PARD3B: variants seen among roughly 807,000 people sequenced by gnomAD.
PARD3B encodes the protein par-3 family cell polarity regulator beta, also known as partitioning defective 3 homolog B.
PARD3B carries 103 observed loss-of-function variants against 130.2 expected under a neutral mutation model. The observed-to-expected ratio is 0.79, with a 90% CI of 0.67 to 0.93. The LOEUF is 0.93. Ranked by LOEUF, PARD3B falls within the 40% of genes least tolerant of loss-of-function variation. The pLI is 0.00. For missense variants in PARD3B, 1,609 were observed against 1,499.2 expected, an observed-to-expected ratio of 1.07 and a Z score of -1.21; for synonymous variants, 583 against 553.2, an observed-to-expected ratio of 1.05 and a Z score of -0.76.
rs1331258453 is a variant in PARD3B at position 205,557,346 on chromosome 2, T to TTAAG, written c.3260+3945_3260+3948dup. 3.9e-5 allele frequency among the ~76,000 whole-genome samples: 6 copies of TTAAG among 152,168 alleles called. No homozygotes were observed. In the East Asian group the frequency reaches 7.7e-4, roughly 20 times the overall value. ...GCCATTCCAACCCTTTCTACTCCCG[T>TTAAG]TAAGTTCTACGAAGATGACTAAACT... On this transcript the variant is annotated intron_variant, in intron 22 of 22. Coordinates refer to ENST00000406610, the MANE Select transcript of PARD3B (RefSeq NM_001302769.2).
intron 20 of PARD3B, among the ~76,000 whole-genome samples, chr2:205,450,318 GT>G (rs1415698920): frequency 6.6e-6 from 1 of 152,010 alleles, no homozygotes; most frequent in Non-Finnish European, 1.5e-5. Context: ...GAGTCCATCT[GT>G]TCCAGGGTCC....
intron 16 of PARD3B, among the ~76,000 whole-genome samples, chr2:205,255,457 A>T (rs1258448309): frequency 6.6e-6 from 1 of 152,228 alleles, no homozygotes; most frequent in East Asian, 1.9e-4. Flanking sequence ...TCGGTGTCCT[A>T]TAATTCAATT....
chr2:205,456,055 A>G (rs1458370016), intron 20 of PARD3B, among the ~76,000 whole-genome samples: 1 of 152,034 alleles, frequency 6.6e-6, no homozygotes, highest in Non-Finnish European at 1.5e-5. Flanking sequence ...GTAGCATGTG[A>G]CCTTTTGAAG....
At chr2:205,234,328 A>G (rs558377399) in intron 15 of PARD3B, among the ~76,000 whole-genome samples, 18 of 152,194 alleles carry the variant, frequency 1.2e-4, no homozygotes, top group Non-Finnish European at 2.2e-4. Context: ...TAGAGACACA[A>G]GTAACTTAAA....
chr2:205,329,584 A>T (rs917456119), intron 18 of PARD3B, among the ~76,000 whole-genome samples: 1 of 152,226 alleles, frequency 6.6e-6, no homozygotes, highest in African/African-American at 2.4e-5. Flanking sequence ...GACAGAGTTG[A>T]ACAGACATTC....
chr2:204,595,240 G>C (rs2033236064), intron 1 of PARD3B, among the ~76,000 whole-genome samples: 1 of 152,148 alleles, frequency 6.6e-6, no homozygotes, highest in South Asian at 2.1e-4. Context: ...TCCATCCTCT[G>C]TCCCATCCAC....
At chr2:205,400,971 A>G (rs1404246712) in intron 18 of PARD3B, 42 bp from the exon 19 acceptor site, 3 of 1,438,688 alleles carry the variant, frequency 2.1e-6, no homozygotes, top group African/African-American at 1.4e-5. Flanking sequence ...CGCAAAAACA[A>G]TGTGATTATT....
At position 204,682,749 on chromosome 2, in the gene PARD3B, C is replaced by T. The variant is rs531736107; in HGVS notation, c.121-3432C>T. Among the ~76,000 whole-genome samples the T allele has an allele frequency of 4.7e-4, 71 of 152,252 alleles. 1 individual carries two copies. Among genetic ancestry groups the T allele is most frequent in the African/African-American group, 1.7e-3 (71 of 41,534 alleles). ...TGGACTACAGGCATCTTGCTTGGGC[C>T]CCTCCAAGTTTTCCCTTTCTTGTGT... On this transcript the variant is annotated intron_variant, in intron 1 of 22. Coordinates refer to ENST00000406610, the MANE Select transcript of PARD3B (RefSeq NM_001302769.2).
chr2:205,185,747 T>G lies in PARD3B; in HGVS notation c.1925-17T>G. The stretch of plus-strand genomic sequence containing the variant: ...CTGCTTCCACTTTATACAGCTTCAT[T>G]TGTTCTTTGTTTATAGGTCTATTGC... On this transcript the variant is annotated splice_polypyrimidine_tract_variant and intron_variant, in intron 13 of 22. Coordinates refer to ENST00000406610, the MANE Select transcript of PARD3B (RefSeq NM_001302769.2). The G allele has an allele frequency of 6.2e-7, 1 of 1,605,802 alleles. No homozygotes were observed. The highest frequency in any genetic ancestry group is 8.5e-7 in the Non-Finnish European group (1 of 1,172,464).
intron 1 of PARD3B, among the ~76,000 whole-genome samples, chr2:204,612,542 A>C (rs2033965896): frequency 6.6e-6 from 1 of 152,220 alleles, no homozygotes; most frequent in African/African-American, 2.4e-5. Context: ...CTTTGTCAAC[A>C]AAAATTTACA....
chr2:204,937,334 T>G (rs2125792124), intron 2 of PARD3B, among the ~76,000 whole-genome samples: 1 of 152,336 alleles, frequency 6.6e-6, no homozygotes, highest in East Asian at 1.9e-4. Flanking sequence ...CCATTCAGCT[T>G]GGTCTGGGGA....
chr2:205,394,129 A>G (rs190737722), intron 18 of PARD3B, among the ~76,000 whole-genome samples: 13 of 152,198 alleles, frequency 8.5e-5, no homozygotes, highest in African/African-American at 3.1e-4. Flanking sequence ...GAATGAATGG[A>G]TGAATGAATG....
chr2:204,641,582 A>G (rs757797674), intron 1 of PARD3B, among the ~76,000 whole-genome samples: 1 of 152,122 alleles, frequency 6.6e-6, no homozygotes, highest in Admixed American at 6.6e-5. Context: ...CTTGAGGGGA[A>G]GCTGAGTTTC....
At position 205,525,687 on chromosome 2, in the gene PARD3B, A is replaced by T. The variant is rs2051305322; in HGVS notation, c.3180+25656A>T. 6.6e-6 allele frequency among the ~76,000 whole-genome samples: 1 copy of T among 152,122 alleles called. No homozygotes were observed. The highest frequency in any genetic ancestry group is 2.1e-4 in the South Asian group (1 of 4,828). Reference sequence around the variant, plus strand: ...GCAGGTTCAGAACAGTACACATGAGACCCAGCATTATCGAAGGCTTATCCT... The same window carrying T: ...GCAGGTTCAGAACAGTACACATGAGTCCCAGCATTATCGAAGGCTTATCCT... On this transcript the variant is annotated intron_variant, in intron 21 of 22. Coordinates refer to ENST00000406610, the MANE Select transcript of PARD3B (RefSeq NM_001302769.2). This position sits in a 1 kb window ranked among gnomAD's most constrained non-coding sequence, Gnocchi z 4.2.
At chr2:205,416,799 A>G (rs1408570088) in intron 19 of PARD3B, among the ~76,000 whole-genome samples, 1 of 152,114 alleles carries the variant, frequency 6.6e-6, no homozygotes, top group Non-Finnish European at 1.5e-5. Flanking sequence ...TTAAGGAGAA[A>G]TAAGATTTCT....
At chr2:205,615,378 A>G (rs539155976) in intron 22 of PARD3B, 78 bp from the exon 23 acceptor site, 1 of 1,262,346 alleles carries the variant, frequency 7.9e-7, no homozygotes, top group Non-Finnish European at 1.1e-6. Flanking sequence ...CAAACTGCAC[A>G]GGAGGCTGAG....
chr2:204,594,470 TTATCTC>T (rs2033203899), intron 1 of PARD3B, among the ~76,000 whole-genome samples: 1 of 152,172 alleles, frequency 6.6e-6, no homozygotes, highest in Non-Finnish European at 1.5e-5. Context: ...GAATGTACTT[TTATCTC>T]TATCTTAACA....
intron 1 of PARD3B, 51 bp downstream of exon 1, chr2:204,546,170 A>G (rs1292819490): frequency 6.5e-7 from 1 of 1,547,446 alleles, no homozygotes; most frequent in Non-Finnish European, 8.7e-7. Flanking sequence ...GGCACCTGCC[A>G]GGTGCGACCC....
rs536374303 is a variant in PARD3B at position 205,366,372 on chromosome 2, G to A, written c.2631-34641G>A. ...CTGTGCAGTGCTTACATGGACAGAGGTAAAGAATTTCCTACTTATATTCGA... is the reference window on the plus strand; with the variant it reads ...CTGTGCAGTGCTTACATGGACAGAGATAAAGAATTTCCTACTTATATTCGA... On this transcript the variant is annotated intron_variant, in intron 18 of 22. Transcript: ENST00000406610. This position sits in a 1 kb window ranked among gnomAD's most constrained non-coding sequence, Gnocchi z 5.0. Among the ~76,000 whole-genome samples the A allele has an allele frequency of 6.6e-6, 1 of 151,018 alleles. No homozygotes were observed. Among genetic ancestry groups the A allele is most frequent in the Non-Finnish European group, 1.5e-5 (1 of 67,090 alleles).
Sources: allele counts gnomAD v4.1 joint callset (sites outside exome capture counted in the v4.1 genomes callset), GRCh38; gene constraint gnomAD v4.1.1; non-coding constraint Gnocchi (gnomAD v3.1); transcripts MANE v1.5; gene names NCBI Gene and HGNC (gene_info 2026-07-23, HGNC 2026-07-21).